The following PDPN variants were observed in gnomAD, a reference collection of about 807,000 sequenced individuals.
The protein encoded by PDPN is PA2.26 antigen.
PDPN carries 12 observed loss-of-function variants against 23.2 expected under a neutral mutation model. That is an observed-to-expected ratio of 0.52 (90% confidence interval 0.33 to 0.84). The LOEUF (loss-of-function observed/expected upper bound fraction) is 0.84, where lower values mean the gene tolerates loss of function less well. Ranked by LOEUF, PDPN falls within the 40% of genes least tolerant of loss-of-function variation. The pLI, the probability that PDPN is intolerant of heterozygous loss-of-function variation, is 0.02. For missense variants in PDPN, 199 were observed against 212.2 expected, an observed-to-expected ratio of 0.94 and a Z score of 0.39; for synonymous variants, 77 against 76.7, an observed-to-expected ratio of 1.00 and a Z score of -0.02.
chr1:13,614,027 A>G (rs536462638), intron 4 of PDPN, among the ~76,000 whole-genome samples: 1 of 152,246 alleles, frequency 6.6e-6, no homozygotes, highest in East Asian at 1.9e-4. Context: ...GGCCAACTTA[A>G]TAGTCATACG....
At chr1:13,613,848 C>T in intron 4 of PDPN, 123 bp downstream of exon 4, 1 of 371,802 alleles carries the variant, frequency 2.7e-6, no homozygotes, top group African/African-American at 2.3e-5. Flanking sequence ...GAATAGAAAA[C>T]ATTCCGAGAA....
intron 1 of PDPN, among the ~76,000 whole-genome samples, chr1:13,585,197 A>G (rs901680685): frequency 2.0e-5 from 3 of 152,158 alleles, no homozygotes; most frequent in African/African-American, 7.2e-5. Flanking sequence ...GGATCAAGGT[A>G]GGCCTAGGCC....
At chr1:13,605,220 A>C (rs1210290165) in intron 1 of PDPN, among the ~76,000 whole-genome samples, 1 of 150,134 alleles carries the variant, frequency 6.7e-6, no homozygotes, top group Non-Finnish European at 1.5e-5. Flanking sequence ...AGTGCTGTCT[A>C]AGCAGTGGGG....
chr1:13,613,742 C>T lies in PDPN; in HGVS notation c.370+17C>T. On this transcript the variant is annotated intron_variant, in intron 4 of 5. Transcript: ENST00000621990. ...TTGAGAAAGGTAGGCTAGATTTTGGCATCAAAATACTCTTACTGGGGTTTT... is the reference window on the plus strand; with the variant it reads ...TTGAGAAAGGTAGGCTAGATTTTGGTATCAAAATACTCTTACTGGGGTTTT... The T allele has an allele frequency of 7.1e-7, 1 of 1,403,360 alleles. No individual in the cohort carries two copies. Among genetic ancestry groups the T allele is most frequent in the South Asian group, 1.2e-5 (1 of 86,168 alleles). The allele number at this position is 1,403,360 out of a possible 1,614,324, so 86.9% of individuals were successfully genotyped here. A position where few individuals can be genotyped will look rare whatever the true frequency, so the allele number is the denominator to read the frequency against.
At chr1:13,598,664 C>T (rs1463627206) in intron 1 of PDPN, among the ~76,000 whole-genome samples, 3 of 152,106 alleles carry the variant, frequency 2.0e-5, no homozygotes, top group African/African-American at 7.2e-5. Context: ...CACCTCTCAG[C>T]CCCATCTCTG....
At position 13,613,712 on chromosome 1, in the gene PDPN, A is replaced by C; in HGVS notation, c.357A>C (p.Thr119=). ...STEKVDGDTQ[T]TVEKDGLSTV... Reference sequence around the variant, plus strand: ...AGAAAGTGGATGGAGACACACAGACAACAGTTGAGAAAGGTAGGCTAGATT... The same window carrying C: ...AGAAAGTGGATGGAGACACACAGACCACAGTTGAGAAAGGTAGGCTAGATT... The change falls in exon 4 of 6, where the codon ACA becomes ACC. Residue 119 remains threonine (T), a synonymous_variant. Coordinates refer to ENST00000621990, the MANE Select transcript of PDPN (RefSeq NM_006474.5). 1 of 1,506,336 alleles carries C rather than the reference A, an allele frequency of 6.6e-7. No homozygotes were observed. The highest frequency in any genetic ancestry group is 2.3e-5 in the East Asian group (1 of 44,312). The allele number at this position is 1,506,336 out of a possible 1,614,324, so 93.3% of individuals were successfully genotyped here. A position where few individuals can be genotyped will look rare whatever the true frequency, so the allele number is the denominator to read the frequency against.
At chr1:13,605,971 G>A (rs185487700) in intron 1 of PDPN, among the ~76,000 whole-genome samples, 26 of 151,974 alleles carry the variant, frequency 1.7e-4, no homozygotes, top group East Asian at 3.9e-4. Flanking sequence ...ATGTTAATGC[G>A]GAAAAGCCAG....
rs1252338920 is a variant in PDPN at position 13,617,892 on chromosome 1, C to T, written c.*1981C>T. On this transcript the variant is annotated 3_prime_UTR_variant, in exon 6 of 6. Coordinates refer to ENST00000621990, the MANE Select transcript of PDPN (RefSeq NM_006474.5). Reference sequence around the variant, plus strand: ...GGGACAGGACTGTGGGTTTCTTGGTCACACCTGTGTTGGTGCTCAATGCAG... The same window carrying T: ...GGGACAGGACTGTGGGTTTCTTGGTTACACCTGTGTTGGTGCTCAATGCAG... 5 of 152,202 alleles carry T rather than the reference C, an allele frequency of 3.3e-5. No individual in the cohort carries two copies. The highest frequency in any genetic ancestry group is 5.9e-5 in the Non-Finnish European group (4 of 68,070). The allele number at this position is 152,202 out of a possible 1,614,324, so 9.4% of individuals were successfully genotyped here. A position where few individuals can be genotyped will look rare whatever the true frequency, so the allele number is the denominator to read the frequency against.
chr1:13,612,620 C>G (rs182712525), intron 3 of PDPN, among the ~76,000 whole-genome samples: 65 of 152,284 alleles, frequency 4.3e-4, no homozygotes, highest in South Asian at 8.3e-4. Flanking sequence ...TGAGCTCTTA[C>G]GTGCTCTATA....
intron 1 of PDPN, among the ~76,000 whole-genome samples, chr1:13,603,561 T>A (rs549734998): frequency 6.6e-6 from 1 of 152,210 alleles, no homozygotes; most frequent in Admixed American, 6.5e-5. Flanking sequence ...TCAAATCATC[T>A]TCTCCTAGGA....
intron 1 of PDPN, among the ~76,000 whole-genome samples, chr1:13,597,151 GAATT>G (rs1428854615): frequency 6.6e-6 from 1 of 152,158 alleles, no homozygotes; most frequent in Non-Finnish European, 1.5e-5. Flanking sequence ...GGAGGTGCTA[GAATT>G]AATTAATAGT....
chr1:13,591,693 C>T (rs1397206509), intron 1 of PDPN, among the ~76,000 whole-genome samples: 3 of 152,270 alleles, frequency 2.0e-5, no homozygotes. Context: ...GAATTTCGTT[C>T]TTTTAAAAAA....
At chr1:13,614,204 T>A (rs1186346102) in intron 4 of PDPN, 96 bp from the exon 5 acceptor site, 1 of 687,286 alleles carries the variant, frequency 1.5e-6, no homozygotes. Context: ...ATTTGCTATG[T>A]GCAGTAGGGC....
chr1:13,592,268 G>A (rs184971463), intron 1 of PDPN, among the ~76,000 whole-genome samples: 49 of 152,268 alleles, frequency 3.2e-4, no homozygotes, highest in African/African-American at 8.9e-4. Flanking sequence ...GGACTGGGTT[G>A]TCTTTTCAAT....
intron 3 of PDPN, among the ~76,000 whole-genome samples, chr1:13,612,331 G>T (rs550852126): frequency 6.6e-6 from 1 of 152,304 alleles, no homozygotes; most frequent in Non-Finnish European, 1.5e-5. Context: ...GCCATTGGGA[G>T]GGAGATGGGA....
chr1:13,614,345 T>C lies in PDPN; in HGVS notation c.416T>C (p.Leu139Ser), dbSNP rs771328875. ...VTLVGIIVGVLLAIGFIGAII... is the reference protein window; with the variant it reads ...VTLVGIIVGVSLAIGFIGAII... ...CTGGTTGGAATCATAGTTGGGGTCT[T>C]ACTAGCCATCGGCTTCATTGGTGCA... The change falls in exon 5 of 6, where the codon TTA (leucine) becomes TCA (serine). Residue 139 changes from leucine (L) to serine (S), a missense_variant. Coordinates refer to ENST00000621990, the MANE Select transcript of PDPN (RefSeq NM_006474.5). 19 of 1,609,976 alleles carry C rather than the reference T, an allele frequency of 1.2e-5. No individual in the cohort carries two copies. In the East Asian group the frequency reaches 4.0e-4, roughly 34 times the overall value.
intron 1 of PDPN, among the ~76,000 whole-genome samples, chr1:13,591,910 AT>A (rs995125232): frequency 1.3e-4 from 20 of 152,178 alleles, no homozygotes; most frequent in Non-Finnish European, 2.5e-4. Flanking sequence ...TGGCTGCACC[AT>A]TTACAGTTCC....
chr1:13,605,355 ATG>A (rs1231055658), intron 1 of PDPN, among the ~76,000 whole-genome samples: 1 of 152,144 alleles, frequency 6.6e-6, no homozygotes, highest in African/African-American at 2.4e-5. Context: ...CGCTCCTGGG[ATG>A]TGTATGCTTG....
chr1:13,594,583 A>C (rs993513314), intron 1 of PDPN, among the ~76,000 whole-genome samples: 2 of 152,194 alleles, frequency 1.3e-5, no homozygotes, highest in African/African-American at 4.8e-5. Context: ...GGCAATGTCT[A>C]ATCCATGCAC....
Sources: gnomAD v4.1 joint callset for allele counts (sites outside exome capture counted in the v4.1 genomes callset) on GRCh38, gnomAD v4.1.1 for gene constraint, MANE v1.5 for transcripts, NCBI Gene and HGNC (gene_info 2026-07-23, HGNC 2026-07-21) for gene names.